Variants in STARD3NL observed in about 807,000 individuals in gnomAD.
STARD3NL encodes STARD3 N-terminal like.
A neutral mutation model predicts 30.9 loss-of-function variants in STARD3NL; 17 were observed. The observed-to-expected ratio is 0.55, with a 90% CI of 0.38 to 0.82. STARD3NL has a LOEUF of 0.82. STARD3NL is among the 40% of genes least tolerant of loss of function. STARD3NL has a pLI of 0.00. For missense variants in STARD3NL, 234 were observed against 277.6 expected, an observed-to-expected ratio of 0.84 and a Z score of 1.12; for synonymous variants, 112 against 100.5, an observed-to-expected ratio of 1.11 and a Z score of -0.69.
At chr7:38,185,947 T>G (rs1489262133) in intron 1 of STARD3NL, among the ~76,000 whole-genome samples, 1 of 152,184 alleles carries the variant, frequency 6.6e-6, no homozygotes, top group African/African-American at 2.4e-5. Context: ...AGATCTCAAG[T>G]CCTGTGCTGA....
At chr7:38,178,864 CAAA>C (rs796132304) in intron 1 of STARD3NL, among the ~76,000 whole-genome samples, 2 of 142,222 alleles carry the variant, frequency 1.4e-5, no homozygotes, top group Non-Finnish European at 1.5e-5. Flanking sequence ...AAGTCGTGTT[CAAA>C]AAAAAAAAAA....
At chr7:38,207,757 T>C (rs2116246683) in intron 2 of STARD3NL, 28 bp downstream of exon 2, 1 of 1,599,672 alleles carries the variant, frequency 6.3e-7, no homozygotes, top group Admixed American at 1.7e-5. Flanking sequence ...TCATAACTTT[T>C]TAAGAAGTGT....
intron 2 of STARD3NL, 88 bp downstream of exon 2, chr7:38,207,817 A>G (rs879301545): frequency 1.3e-5 from 16 of 1,234,546 alleles, no homozygotes; most frequent in African/African-American, 4.6e-5. Flanking sequence ...CATTTGTTTC[A>G]TTTAGTAATT....
intron 1 of STARD3NL, among the ~76,000 whole-genome samples, chr7:38,180,047 C>T (rs138221996): frequency 6.6e-6 from 1 of 152,228 alleles, no homozygotes; most frequent in African/African-American, 2.4e-5. Flanking sequence ...GGGATTGGAT[C>T]ATCTTGTATC....
chr7:38,202,632 G>A (rs1785238334), intron 1 of STARD3NL, among the ~76,000 whole-genome samples: 1 of 151,706 alleles, frequency 6.6e-6, no homozygotes, highest in Non-Finnish European at 1.5e-5. Context: ...GTGCAGGTTA[G>A]TTACATATGT....
intron 6 of STARD3NL, among the ~76,000 whole-genome samples, 159 bp downstream of exon 6, chr7:38,217,464 T>C (rs1786190852): frequency 6.6e-6 from 1 of 151,514 alleles, no homozygotes; most frequent in Non-Finnish European, 1.5e-5. Context: ...GAGAGAAGGG[T>C]TGGGTGGATG....
At chr7:38,226,947 A>T (rs996310615) in intron 7 of STARD3NL, among the ~76,000 whole-genome samples, 6 of 152,190 alleles carry the variant, frequency 3.9e-5, no homozygotes, top group African/African-American at 1.4e-4. Flanking sequence ...GGCAAGACAC[A>T]ACTGCTATTC....
chr7:38,190,180 A>G (rs10951552), intron 1 of STARD3NL, among the ~76,000 whole-genome samples: 64,655 of 152,062 alleles, frequency 0.43, 14,109 homozygotes, highest in East Asian at 0.5. Context: ...CAGTGTGGCT[A>G]TTCTGGACAA....
chr7:38,184,375 G>T (rs1462008796), intron 1 of STARD3NL, among the ~76,000 whole-genome samples: 1 of 151,948 alleles, frequency 6.6e-6, no homozygotes, highest in East Asian at 1.9e-4. Context: ...AAGAAAAGAG[G>T]TTTAATTGGC....
At chr7:38,207,222 T>G (rs181099923) in intron 1 of STARD3NL, among the ~76,000 whole-genome samples, 198 of 152,312 alleles carry the variant, frequency 1.3e-3, no homozygotes, top group African/African-American at 4.4e-3. Flanking sequence ...TCAGTTTGCT[T>G]CTTCTCTCTT....
At chr7:38,200,815 A>G (rs539691501) in intron 1 of STARD3NL, among the ~76,000 whole-genome samples, 11 of 152,252 alleles carry the variant, frequency 7.2e-5, no homozygotes, top group Non-Finnish European at 1.3e-4. Flanking sequence ...GAGCCTGTCA[A>G]CTTTGTTGAC....
chr7:38,214,040 A>G (rs12671662), intron 2 of STARD3NL, among the ~76,000 whole-genome samples: 32,799 of 152,156 alleles, frequency 0.22, 3,958 homozygotes, highest in Admixed American at 0.33. Context: ...TTAAAAATAT[A>G]CTTTTGTATG....
chr7:38,207,296 T>C (rs992435151), intron 1 of STARD3NL, among the ~76,000 whole-genome samples, 151 bp from the exon 2 acceptor site: 2 of 152,238 alleles, frequency 1.3e-5, no homozygotes, highest in African/African-American at 4.8e-5. Flanking sequence ...TTGCTTCTCA[T>C]TTCTCTTTCT....
At chr7:38,224,332 G>T (rs1393437126) in intron 7 of STARD3NL, among the ~76,000 whole-genome samples, 2 of 152,160 alleles carry the variant, frequency 1.3e-5, no homozygotes, top group Non-Finnish European at 1.5e-5. Context: ...GAGAGGATTT[G>T]CTGTGTCATG....
intron 1 of STARD3NL, among the ~76,000 whole-genome samples, chr7:38,193,491 G>A (rs1403351209): frequency 1.3e-5 from 2 of 152,094 alleles, no homozygotes; most frequent in Non-Finnish European, 2.9e-5. Context: ...GTAGAGACGG[G>A]GTTTCACTGT....
chr7:38,204,279 A>C (rs2116198343), intron 1 of STARD3NL, among the ~76,000 whole-genome samples: 1 of 152,320 alleles, frequency 6.6e-6, no homozygotes, highest in African/African-American at 2.4e-5. Flanking sequence ...AATTATAACA[A>C]ACTGTCTCTC....
intron 1 of STARD3NL, chr7:38,198,200 A>C (rs889195714): frequency 3.3e-5 from 5 of 152,262 alleles, no homozygotes; most frequent in African/African-American, 1.2e-4. Flanking sequence ...CTATCTTGAA[A>C]TATCTCTTAG....
chr7:38,214,048 A>G (rs901605131), intron 2 of STARD3NL, among the ~76,000 whole-genome samples: 1 of 152,214 alleles, frequency 6.6e-6, no homozygotes, highest in Non-Finnish European at 1.5e-5. Flanking sequence ...ATACTTTTGT[A>G]TGATGGAAGA....
At chr7:38,207,211 G>C (rs1159232927) in intron 1 of STARD3NL, among the ~76,000 whole-genome samples, 1 of 152,158 alleles carries the variant, frequency 6.6e-6, no homozygotes, top group Non-Finnish European at 1.5e-5. Context: ...CTTTCCTACA[G>C]TCAGTTTGCT....
Sources: gnomAD v4.1 joint callset for allele counts (sites outside exome capture counted in the v4.1 genomes callset) on GRCh38, gnomAD v4.1.1 for gene constraint, MANE v1.5 for transcripts, NCBI Gene and HGNC (gene_info 2026-07-23, HGNC 2026-07-21) for gene names.